GOLT1A: variants seen among roughly 807,000 people sequenced by gnomAD.
The protein encoded by GOLT1A is vesicle transport protein GOT1A.
In GOLT1A, 10 loss-of-function variants were observed where a neutral mutation model predicts 16.1. That is an observed-to-expected ratio of 0.62 (90% CI 0.38 to 1.05). The LOEUF is 1.05. Ranked by LOEUF, GOLT1A falls within the 50% of genes least tolerant of loss-of-function variation. The pLI, the probability that GOLT1A is intolerant of heterozygous loss-of-function variation, is 0.01. For missense variants in GOLT1A, 137 were observed against 165.7 expected, an observed-to-expected ratio of 0.83 and a Z score of 0.95; for synonymous variants, 60 against 67.9, an observed-to-expected ratio of 0.88 and a Z score of 0.57.
chr1:204,209,711 A>G (rs1432450808), intron 1 of GOLT1A, among the ~76,000 whole-genome samples: 1 of 152,204 alleles, frequency 6.6e-6, no homozygotes, highest in Admixed American at 6.5e-5. Context: ...TTGCCTGGGG[A>G]TACACAGCAG....
chr1:204,203,281 A>G (rs544606272), intron 1 of GOLT1A, among the ~76,000 whole-genome samples: 1 of 152,262 alleles, frequency 6.6e-6, no homozygotes, highest in Admixed American at 6.5e-5. Context: ...TTATACTCTC[A>G]GCCTCCTCTT....
chr1:204,206,523 A>G (rs1318003420), intron 1 of GOLT1A, among the ~76,000 whole-genome samples: 1 of 152,214 alleles, frequency 6.6e-6, no homozygotes, highest in Non-Finnish European at 1.5e-5. Context: ...ATTGTGGAGG[A>G]AGACCACAGT....
chr1:204,201,343 G>A (rs964829377), intron 3 of GOLT1A, among the ~76,000 whole-genome samples: 7 of 152,276 alleles, frequency 4.6e-5, no homozygotes, highest in African/African-American at 1.2e-4. Flanking sequence ...CTTCCTCTCC[G>A]GCTGGATCAC....
At chr1:204,208,476 G>GTGTGTGTATATATATATATA (rs1286299770) in intron 1 of GOLT1A, among the ~76,000 whole-genome samples, 6 of 39,952 alleles carry the variant, frequency 1.5e-4, no homozygotes, top group African/African-American at 4.7e-4. Flanking sequence ...GTGTGTGTGT[G>GTGTGTGTATATATATATATA]TATATATATA....
intron 3 of GOLT1A, 117 bp from the exon 4 acceptor site, chr1:204,199,375 G>T: frequency 2.6e-6 from 2 of 763,676 alleles, no homozygotes; most frequent in Non-Finnish European, 2.3e-6. Context: ...CCAGGGACAG[G>T]CTTGATTCTG....
At chr1:204,212,398 G>T (rs1249205963) in intron 1 of GOLT1A, among the ~76,000 whole-genome samples, 1 of 152,074 alleles carries the variant, frequency 6.6e-6, no homozygotes, top group African/African-American at 2.4e-5. Context: ...ACTTTGGGAG[G>T]CTCAGGCAGG....
intron 2 of GOLT1A, among the ~76,000 whole-genome samples, chr1:204,202,084 A>G (rs113603725): frequency 0.025 from 3,758 of 152,078 alleles, 153 homozygotes; most frequent in African/African-American, 0.086. Context: ...CATTTTTCAT[A>G]TGGGACTTGG....
chr1:204,201,710 C>A lies in GOLT1A; in HGVS notation c.219G>T (p.Gly73=), dbSNP rs747631528. Residue 73 remains glycine (G), a synonymous_variant, in exon 3 of 5, where the codon GGG becomes GGT. Transcript: ENST00000308302. ...AGCGTAGGAGCACGATAACCACACC[C>A]CCCAGGAGGAAGCTGGTTCCCTTGA... ...HKLKGTSFLL[G]GVVIVLLRWP... is the part of the protein sequence containing the mutation. 3 of 1,614,202 alleles carry A rather than the reference C, an allele frequency of 1.9e-6. No individual in the cohort carries two copies. In the Admixed American group the frequency reaches 5.0e-5, roughly 27 times the overall value.
intron 1 of GOLT1A, among the ~76,000 whole-genome samples, chr1:204,207,342 C>T (rs971584160): frequency 2.0e-5 from 3 of 152,316 alleles, no homozygotes; most frequent in Admixed American, 6.5e-5. Context: ...CAGGGAGGCC[C>T]GGCTCTCCAG....
chr1:204,203,239 C>T (rs939183299), intron 1 of GOLT1A, among the ~76,000 whole-genome samples: 1 of 152,156 alleles, frequency 6.6e-6, no homozygotes, highest in Non-Finnish European at 1.5e-5. Context: ...TCACTGCAGC[C>T]CTGTGTGGAA....
chr1:204,213,457 G>T (rs1659169031), intron 1 of GOLT1A, among the ~76,000 whole-genome samples: 1 of 152,366 alleles, frequency 6.6e-6, no homozygotes, highest in Middle Eastern at 3.4e-3. Flanking sequence ...GTTTAGGAGT[G>T]AGGGTATGGT....
At chr1:204,205,445 C>A (rs993353615) in intron 1 of GOLT1A, among the ~76,000 whole-genome samples, 7 of 152,114 alleles carry the variant, frequency 4.6e-5, no homozygotes, top group African/African-American at 1.7e-4. Flanking sequence ...GGTCTTGATG[C>A]CCTCGTCAAA....
chr1:204,213,622 G>C (rs1205381720), intron 1 of GOLT1A, among the ~76,000 whole-genome samples: 1 of 152,220 alleles, frequency 6.6e-6, no homozygotes, highest in Non-Finnish European at 1.5e-5. Flanking sequence ...TGGGAAAGGG[G>C]TCAGTGTGAA....
chr1:204,200,579 C>T (rs1159402976), intron 3 of GOLT1A, among the ~76,000 whole-genome samples: 1 of 151,784 alleles, frequency 6.6e-6, no homozygotes. Context: ...CCGCCTGCCT[C>T]GGCCTCCCAA....
intron 1 of GOLT1A, among the ~76,000 whole-genome samples, chr1:204,210,962 CGCCCACCCCACCACTTAACGCAGAA>C (rs1006328508): frequency 2.6e-5 from 4 of 151,994 alleles, no homozygotes; most frequent in African/African-American, 9.7e-5. Flanking sequence ...ATGTCACCAC[CGCCCACCCCACCACTTAACGCAGAA>C]GCCCACCCCT....
chr1:204,203,071 G>C (rs762090248), intron 1 of GOLT1A, 84 bp from the exon 2 acceptor site: 1 of 1,009,602 alleles, frequency 9.9e-7, no homozygotes, highest in African/African-American at 1.6e-5. Context: ...CCACAGGACA[G>C]GTGCCCTCTA....
intron 1 of GOLT1A, among the ~76,000 whole-genome samples, chr1:204,203,436 C>T (rs1658992892): frequency 6.6e-6 from 1 of 152,206 alleles, no homozygotes; most frequent in South Asian, 2.1e-4. Context: ...GGACCACCAG[C>T]TCCAAAGAGC....
chr1:204,208,602 G>A (rs951907098), intron 1 of GOLT1A, among the ~76,000 whole-genome samples: 9 of 150,344 alleles, frequency 6.0e-5, no homozygotes, highest in African/African-American at 2.0e-4. Flanking sequence ...AAGTGACTCC[G>A]GAATGGAAAA....
chr1:204,209,972 C>T (rs1659115030), intron 1 of GOLT1A, among the ~76,000 whole-genome samples: 2 of 152,150 alleles, frequency 1.3e-5, no homozygotes, highest in South Asian at 4.1e-4. Flanking sequence ...GCAGGAGAAT[C>T]GCTTGAACCC....
Sources: allele counts gnomAD v4.1 joint callset (sites outside exome capture counted in the v4.1 genomes callset), GRCh38; gene constraint gnomAD v4.1.1; transcripts MANE v1.5; gene names NCBI Gene and HGNC (gene_info 2026-07-23, HGNC 2026-07-21).